Variants in CNTNAP2 observed in about 807,000 individuals in gnomAD.
The protein encoded by CNTNAP2 is contactin associated protein 2.
In CNTNAP2, 98 loss-of-function variants were observed where a neutral mutation model predicts 155.2. The ratio of observed to expected loss-of-function variants is 0.63; its 90% CI spans 0.54 to 0.75. CNTNAP2 has a LOEUF of 0.75. Ranked by LOEUF, CNTNAP2 falls within the 30% of genes least tolerant of loss-of-function variation. The probability of loss-of-function intolerance (pLI) is 0.00; values close to 1 mark genes in which losing one functional copy is unlikely to be tolerated. For synonymous variants in CNTNAP2, 651 were observed against 631.2 expected, an observed-to-expected ratio of 1.03 and a Z score of -0.47; for missense variants, 1,727 against 1,688.1, an observed-to-expected ratio of 1.02 and a Z score of -0.40.
chr7:147,055,263 T>A (rs917403279), intron 4 of CNTNAP2, among the ~76,000 whole-genome samples: 4 of 152,224 alleles, frequency 2.6e-5, no homozygotes, highest in Admixed American at 6.5e-5. Flanking sequence ...GAAAATCACT[T>A]ATCAGCTAGA....
rs137876823 is a variant in CNTNAP2 at position 147,762,976 on chromosome 7, C to T, written c.2098+123670C>T. Among the ~76,000 whole-genome samples, 1,173 of 152,110 alleles carry T rather than the reference C, an allele frequency of 7.7e-3. 8 individuals are homozygous for T. Among genetic ancestry groups the T allele is most frequent in the African/African-American group, 0.027 (1,136 of 41,500 alleles). On this transcript the variant is annotated intron_variant, in intron 13 of 23. Transcript: ENST00000361727. Reference sequence around the variant, plus strand: ...GTATGTGCAATCAAGAGTAAAGATCCGGCTGGGTGCGATGGCTCATGCCTG... The same window carrying T: ...GTATGTGCAATCAAGAGTAAAGATCTGGCTGGGTGCGATGGCTCATGCCTG...
intron 20 of CNTNAP2, among the ~76,000 whole-genome samples, chr7:148,231,075 A>G (rs748777469): frequency 3.3e-5 from 5 of 152,168 alleles, no homozygotes; most frequent in Non-Finnish European, 5.9e-5. Flanking sequence ...CCATTTTACC[A>G]TTGCGAAATA....
intron 1 of CNTNAP2, among the ~76,000 whole-genome samples, chr7:146,359,571 T>C (rs1034871066): frequency 6.6e-6 from 1 of 152,260 alleles, no homozygotes; most frequent in African/African-American, 2.4e-5. Flanking sequence ...AATGTTATTA[T>C]GGATATAGGG....
chr7:148,222,882 T>G (rs1430337173), intron 19 of CNTNAP2, among the ~76,000 whole-genome samples: 1 of 152,198 alleles, frequency 6.6e-6, no homozygotes, highest in Non-Finnish European at 1.5e-5. Context: ...GAGGTCGGCT[T>G]TGCCTTTTGT....
chr7:147,776,839 A>G (rs901245947), intron 13 of CNTNAP2, among the ~76,000 whole-genome samples: 14 of 151,168 alleles, frequency 9.3e-5, no homozygotes, highest in Non-Finnish European at 2.1e-4. Flanking sequence ...TCTTTCTTTA[A>G]TGAGTCCTTC....
At chr7:148,056,281 G>A (rs2116502866) in intron 15 of CNTNAP2, among the ~76,000 whole-genome samples, 1 of 152,208 alleles carries the variant, frequency 6.6e-6, no homozygotes, top group South Asian at 2.1e-4. Context: ...GATATGGTTG[G>A]TTTCTGGGAT....
chr7:146,355,923 A>T (rs1354303211), intron 1 of CNTNAP2, among the ~76,000 whole-genome samples: 2 of 152,066 alleles, frequency 1.3e-5, no homozygotes, highest in Admixed American at 6.6e-5. Context: ...CACTGTAGTG[A>T]TAAGGGGTAT....
intron 11 of CNTNAP2, among the ~76,000 whole-genome samples, chr7:147,547,932 A>T (rs1053633773): frequency 4.6e-5 from 7 of 152,186 alleles, no homozygotes; most frequent in Admixed American, 4.6e-4. Context: ...TGAAAAGGAC[A>T]TAATCTCATT....
chr7:146,938,939 T>C (rs559644619), intron 3 of CNTNAP2, among the ~76,000 whole-genome samples: 2 of 152,260 alleles, frequency 1.3e-5, no homozygotes, highest in African/African-American at 4.8e-5. Context: ...TACAAATTCA[T>C]CATCCTTCTA....
chr7:146,770,075 A>G (rs1321462210), intron 1 of CNTNAP2, among the ~76,000 whole-genome samples: 2 of 152,136 alleles, frequency 1.3e-5, no homozygotes, highest in East Asian at 3.9e-4. Context: ...CAACTCAACT[A>G]ACAACAACCC....
intron 1 of CNTNAP2, among the ~76,000 whole-genome samples, chr7:146,138,476 A>G (rs917829152): frequency 3.9e-5 from 6 of 152,266 alleles, no homozygotes; most frequent in Admixed American, 1.3e-4. Flanking sequence ...GTAAATGATA[A>G]GTGATCATGA....
chr7:147,601,644 A>AAATATATATAT (rs1299075338), intron 12 of CNTNAP2, among the ~76,000 whole-genome samples: 4 of 87,462 alleles, frequency 4.6e-5, no homozygotes, highest in African/African-American at 1.7e-4. Flanking sequence ...CTTAAAAAAA[A>AAATATATATAT]ATATATATAT....
At chr7:147,316,100 CT>C (rs1407365012) in intron 9 of CNTNAP2, among the ~76,000 whole-genome samples, 1 of 151,836 alleles carries the variant, frequency 6.6e-6, no homozygotes, top group Non-Finnish European at 1.5e-5. Flanking sequence ...ATATGTTTTT[CT>C]TTCTCTTGGG....
intron 1 of CNTNAP2, among the ~76,000 whole-genome samples, chr7:146,384,461 T>C (rs1171557590): frequency 6.6e-6 from 1 of 152,218 alleles, no homozygotes; most frequent in African/African-American, 2.4e-5. Context: ...CAAATACTTA[T>C]TAATAGAATT....
intron 22 of CNTNAP2, among the ~76,000 whole-genome samples, chr7:148,405,420 ATTTTTTT>A (rs36020816): frequency 1.7e-4 from 11 of 64,306 alleles, no homozygotes; most frequent in South Asian, 1.4e-3. Flanking sequence ...TACCATTGTA[ATTTTTTT>A]TTTTTTTTTT....
At chr7:147,357,807 A>G (rs531384169) in intron 9 of CNTNAP2, among the ~76,000 whole-genome samples, 1 of 152,066 alleles carries the variant, frequency 6.6e-6, no homozygotes, top group Non-Finnish European at 1.5e-5. Context: ...ATTTTTTTCT[A>G]AAGTCAGAAC....
chr7:147,514,771 C>T (rs1584783888), intron 11 of CNTNAP2, among the ~76,000 whole-genome samples: 1 of 152,134 alleles, frequency 6.6e-6, no homozygotes, highest in Admixed American at 6.6e-5. Context: ...TCTCTACACT[C>T]ACAACCCACG....
At chr7:146,891,276 C>G (rs2129211528) in intron 3 of CNTNAP2, among the ~76,000 whole-genome samples, 1 of 152,130 alleles carries the variant, frequency 6.6e-6, no homozygotes, top group East Asian at 1.9e-4. Flanking sequence ...GGGTTCAAGC[C>G]TAAAAAACTA....
chr7:146,366,490 A>G (rs902029248), intron 1 of CNTNAP2, among the ~76,000 whole-genome samples: 3 of 152,108 alleles, frequency 2.0e-5, no homozygotes, highest in Admixed American at 2.0e-4. Context: ...TCAGACAACA[A>G]TCATAAGAAA....
Sources: allele counts gnomAD v4.1 joint callset (sites outside exome capture counted in the v4.1 genomes callset), GRCh38; gene constraint gnomAD v4.1.1; transcripts MANE v1.5; gene names NCBI Gene and HGNC (gene_info 2026-07-23, HGNC 2026-07-21).